The following DPP10 variants were observed in gnomAD, a reference collection of about 807,000 sequenced individuals.
The protein encoded by DPP10 is dipeptidyl peptidase like 10.
Under a neutral mutation model 120.9 loss-of-function variants are expected in DPP10, and 33 were observed. That is an observed-to-expected ratio of 0.27 (90% confidence interval 0.21 to 0.37). DPP10 has a LOEUF of 0.37. DPP10 is among the 10% of genes least tolerant of loss of function. DPP10 has a pLI of 1.00. For missense variants in DPP10, 816 were observed against 942.8 expected (o/e 0.87, Z 1.76); for synonymous variants, 337 against 326.1 (o/e 1.03, Z -0.36).
chr2:114,452,137 C>T (rs1430091), intron 1 of DPP10, among the ~76,000 whole-genome samples: 1 of 151,844 alleles, frequency 6.6e-6, no homozygotes, highest in Admixed American at 6.6e-5. Flanking sequence ...ATATACTGAC[C>T]ATCATTCTCT....
intron 1 of DPP10, among the ~76,000 whole-genome samples, chr2:114,624,412 A>G (rs1254242058): frequency 1.3e-5 from 2 of 151,962 alleles, no homozygotes; most frequent in African/African-American, 4.8e-5. Context: ...GTATAACAAG[A>G]ATTAGTTTTA....
intron 1 of DPP10, among the ~76,000 whole-genome samples, chr2:114,522,601 G>C (rs730259): frequency 0.26 from 39,198 of 152,066 alleles, 5,653 homozygotes; most frequent in Non-Finnish European, 0.33. Context: ...ATCAGCAACT[G>C]GGGGAAGCAG....
chr2:115,602,623 A>G (rs1471999182), intron 5 of DPP10, among the ~76,000 whole-genome samples: 1 of 152,188 alleles, frequency 6.6e-6, no homozygotes, highest in Non-Finnish European at 1.5e-5. Context: ...TTCATAAAAG[A>G]AAAAGACCTT....
intron 3 of DPP10, among the ~76,000 whole-genome samples, chr2:115,405,684 G>A (rs1192780816): frequency 6.6e-6 from 1 of 152,190 alleles, no homozygotes; most frequent in Non-Finnish European, 1.5e-5. Context: ...CCTGCATGCG[G>A]AATTAGCACC....
chr2:114,682,945 C>T (rs1335027124), intron 1 of DPP10, among the ~76,000 whole-genome samples: 1 of 151,906 alleles, frequency 6.6e-6, no homozygotes, highest in Non-Finnish European at 1.5e-5. Context: ...AAATCATGTG[C>T]ACTCTTCAGG....
chr2:115,107,547 A>T (rs935893336), intron 1 of DPP10, among the ~76,000 whole-genome samples: 1 of 150,092 alleles, frequency 6.7e-6, no homozygotes, highest in Non-Finnish European at 1.5e-5. Flanking sequence ...CTGTTTTTTA[A>T]ACAATGACTC....
At chr2:114,767,731 C>T (rs755223035) in intron 1 of DPP10, among the ~76,000 whole-genome samples, 18 of 152,126 alleles carry the variant, frequency 1.2e-4, no homozygotes, top group Non-Finnish European at 2.1e-4. Context: ...TTTTAATACT[C>T]ACCATGTGAT....
intron 3 of DPP10, among the ~76,000 whole-genome samples, chr2:115,357,128 GTTCT>G (rs956294187): frequency 1.2e-4 from 18 of 152,020 alleles, no homozygotes; most frequent in African/African-American, 3.9e-4. Flanking sequence ...TATTTGATTT[GTTCT>G]TTCTTTATTA....
At chr2:115,834,950 G>A (rs1443952267) in intron 21 of DPP10, among the ~76,000 whole-genome samples, 1 of 152,112 alleles carries the variant, frequency 6.6e-6, no homozygotes, top group Non-Finnish European at 1.5e-5. Context: ...AGCCGGGCTG[G>A]TGGCGGGCGC....
intron 7 of DPP10, among the ~76,000 whole-genome samples, chr2:115,701,289 A>C (rs2091878105): frequency 6.6e-6 from 1 of 152,088 alleles, no homozygotes; most frequent in Non-Finnish European, 1.5e-5. Context: ...TCCAAAAATA[A>C]ACTTTCGCAT....
At chr2:115,716,992 T>A (rs1314090667) in intron 7 of DPP10, among the ~76,000 whole-genome samples, 1 of 152,256 alleles carries the variant, frequency 6.6e-6, no homozygotes, top group African/African-American at 2.4e-5. Context: ...AATCCCCATT[T>A]GAAATACAAA....
intron 3 of DPP10, among the ~76,000 whole-genome samples, chr2:115,403,394 T>C (rs1333059079): frequency 3.3e-5 from 1 of 30,612 alleles, no homozygotes; most frequent in Non-Finnish European, 9.6e-5. Context: ...TTTTTTTTTT[T>C]TTTTTTTTTT....
chr2:115,546,987 T>C (rs1382079382), intron 5 of DPP10, among the ~76,000 whole-genome samples: 4 of 152,176 alleles, frequency 2.6e-5, no homozygotes, highest in Admixed American at 2.6e-4. Flanking sequence ...TGACAAGAAA[T>C]GATATGGAAT....
At chr2:115,064,718 G>A in intron 1 of DPP10, 2 of 1,303,224 alleles carry the variant, frequency 1.5e-6, no homozygotes, top group Non-Finnish European at 2.0e-6. Flanking sequence ...CTGTGAGGGT[G>A]AGGTTGCATT....
intron 3 of DPP10, among the ~76,000 whole-genome samples, chr2:115,429,911 T>C (rs1203417922): frequency 6.6e-6 from 1 of 152,184 alleles, no homozygotes; most frequent in East Asian, 1.9e-4. Flanking sequence ...TAAAAATGTA[T>C]ATGAGCAACC....
At chr2:114,950,396 GCCATTCTC>G (rs1697692275) in intron 1 of DPP10, among the ~76,000 whole-genome samples, 2 of 146,896 alleles carry the variant, frequency 1.4e-5, no homozygotes, top group African/African-American at 5.0e-5. Context: ...CTGGGTTCAT[GCCATTCTC>G]CTGCCTCAGC....
At chr2:115,677,521 C>T (rs1310925917) in intron 5 of DPP10, among the ~76,000 whole-genome samples, 1 of 151,916 alleles carries the variant, frequency 6.6e-6, no homozygotes, top group Non-Finnish European at 1.5e-5. Flanking sequence ...ATATGCTGCC[C>T]ACAAGAGACT....
At position 115,064,695 on chromosome 2, in the gene DPP10, T is replaced by A; in HGVS notation, c.61-244544T>A. 1.2e-5 allele frequency: 16 copies of A among 1,300,732 alleles called. 1 individual carries two copies. In the South Asian group the frequency reaches 1.7e-4, roughly 14 times the overall value. The allele number at this position is 1,300,732 out of a possible 1,614,324, so 80.6% of individuals were successfully genotyped here. On this transcript the variant is annotated intron_variant, in intron 1 of 25. Transcript: ENST00000410059. ...GTGAGTGACATGCAAGGAACTGACA[T>A]TGAAGTAAGATTCTGTGAGGGTGAG...
At chr2:115,836,788 C>A (rs201767296) in intron 24 of DPP10, 42 bp downstream of exon 24, 2 of 1,576,236 alleles carry the variant, frequency 1.3e-6, no homozygotes, top group African/African-American at 1.4e-5. Flanking sequence ...AGGGTATGAC[C>A]TTTTACAAAG....
Sources: allele counts gnomAD v4.1 joint callset (sites outside exome capture counted in the v4.1 genomes callset), GRCh38; gene constraint gnomAD v4.1.1; transcripts MANE v1.5; gene names NCBI Gene and HGNC (gene_info 2026-07-23, HGNC 2026-07-21).